Variants in MPV17L observed in about 807,000 individuals in gnomAD.
The protein encoded by MPV17L is MPV17 mitochondrial inner membrane protein like.
MPV17L carries 24 observed loss-of-function variants against 25.8 expected under a neutral mutation model. That is an observed-to-expected ratio of 0.93 (90% CI 0.67 to 1.31). MPV17L has a LOEUF of 1.31. Ranked by LOEUF, MPV17L falls within the 50% of genes most tolerant of loss-of-function variation. The pLI is 0.00. For synonymous variants in MPV17L, 102 were observed against 115.3 expected (o/e 0.88, Z 0.74); for missense variants, 250 against 265.6 (o/e 0.94, Z 0.41).
intron 2 of MPV17L, among the ~76,000 whole-genome samples, chr16:15,401,968 G>A (rs1487111822): frequency 6.6e-6 from 1 of 152,148 alleles, no homozygotes; most frequent in Non-Finnish European, 1.5e-5. Flanking sequence ...AATTTATTCT[G>A]TAAATTTGGG....
At chr16:15,399,281 T>A in intron 1 of MPV17L, 1 of 381,998 alleles carries the variant, frequency 2.6e-6, no homozygotes, top group Non-Finnish European at 5.1e-6. Flanking sequence ...TGTAATTAAC[T>A]AATAAAGCTC....
intron 1 of MPV17L, 49 bp downstream of exon 1, chr16:15,396,256 C>A: frequency 1.3e-6 from 2 of 1,528,868 alleles, no homozygotes; most frequent in Non-Finnish European, 1.8e-6. Flanking sequence ...TATTGGGGGA[C>A]TGGAGGCTGG....
In MPV17L at chr16:15,410,988, T is replaced by C. The variant is rs1423562517; in HGVS notation, c.*2876T>C. 1 of 152,218 alleles carries C rather than the reference T, an allele frequency of 6.6e-6. No homozygotes were observed. The highest frequency in any genetic ancestry group is 1.9e-4 in the East Asian group (1 of 5,188). 9.4% of individuals were successfully genotyped at this position (152,218 alleles called of 1,614,324 possible). On this transcript the variant is annotated 3_prime_UTR_variant, in exon 4 of 4. Coordinates refer to ENST00000396385, the MANE Select transcript of MPV17L (RefSeq NM_001128423.2). ...TGGCTTACGCCTGTAATCCCAGCAC[T>C]TTGGGAGGCCGAGGCGGGCAGATCA...
At chr16:15,399,373 G>A (rs954765394) in intron 1 of MPV17L, 2 of 454,272 alleles carry the variant, frequency 4.4e-6, no homozygotes, top group Admixed American at 4.7e-5. Context: ...AAATAGGAGA[G>A]CTTTGCCTTG....
intron 1 of MPV17L, among the ~76,000 whole-genome samples, chr16:15,397,115 G>A (rs774110826): frequency 2.5e-4 from 38 of 152,254 alleles, no homozygotes; most frequent in Non-Finnish European, 3.1e-4. Context: ...GACACTGGGC[G>A]TATTCTCCCA....
rs759484072 is a variant in MPV17L at position 15,412,296 on chromosome 16, G to C, written c.*4184G>C. ...ATACAAAAATTAGCCGGGTGTGGTGGCTTGCACCTGTCCTCCCAGCTACTT... is the reference window on the plus strand; with the variant it reads ...ATACAAAAATTAGCCGGGTGTGGTGCCTTGCACCTGTCCTCCCAGCTACTT... On this transcript the variant is annotated 3_prime_UTR_variant, in exon 4 of 4. Transcript: ENST00000396385. The C allele has an allele frequency of 1.3e-5, 2 of 152,026 alleles. No individual in the cohort carries two copies. The highest frequency in any genetic ancestry group is 2.9e-5 in the Non-Finnish European group (2 of 68,066). The allele number at this position is 152,026 out of a possible 1,614,324, so 9.4% of individuals were successfully genotyped here. A position where few individuals can be genotyped will look rare whatever the true frequency, so the allele number is the denominator to read the frequency against.
At position 15,396,166 on chromosome 16, in the gene MPV17L, A is replaced by T. The variant is rs768014612; in HGVS notation, c.269A>T (p.Gln90Leu). The T allele has an allele frequency of 6.5e-7, 1 of 1,550,376 alleles. No homozygotes were observed. The highest frequency in any genetic ancestry group is 8.7e-7 in the Non-Finnish European group (1 of 1,147,834). Residue 90 changes from glutamine (Q) to leucine (L), a missense_variant, in exon 1 of 4, where the codon CAG becomes CTG. Gln to Leu is a moderately radical substitution (Grantham distance 113, BLOSUM62 -2). Transcript: ENST00000396385. ...CTGCTGGCCAAGTTGCTGTGCGACC[A>T]GGTGGTCGGTGCGCCCATCGCGGTC... ...HALLAKLLCD[Q>L]VVGAPIAVSA... is the part of the protein sequence containing the mutation.
intron 2 of MPV17L, among the ~76,000 whole-genome samples, chr16:15,401,173 C>G (rs946968389): frequency 2.1e-5 from 3 of 140,954 alleles, no homozygotes; most frequent in African/African-American, 7.9e-5. Flanking sequence ...AATGCAGTGG[C>G]ATGGTCATGG....
chr16:15,402,300 G>A lies in MPV17L; in HGVS notation c.381+1443G>A, dbSNP rs959721887. 2.0e-5 allele frequency among the ~76,000 whole-genome samples: 3 copies of A among 152,172 alleles called. No individual in the cohort carries two copies. The East Asian group carries it at 5.8e-4, about 29-fold the overall frequency. ...GGATGGTTTTCATCTCTGCCCTAGA[G>A]CATGTTTGATTGCATTCATCACAAG... On this transcript the variant is annotated intron_variant, in intron 2 of 3. Transcript: ENST00000396385.
At chr16:15,401,344 T>C (rs1348481164) in intron 2 of MPV17L, among the ~76,000 whole-genome samples, 3 of 151,930 alleles carry the variant, frequency 2.0e-5, no homozygotes, top group Non-Finnish European at 4.4e-5. Flanking sequence ...CTTGAACTCC[T>C]GTGCTCCAGT....
At chr16:15,406,520 C>G (rs1037817518) in intron 2 of MPV17L, among the ~76,000 whole-genome samples, 2 of 151,976 alleles carry the variant, frequency 1.3e-5, no homozygotes, top group Non-Finnish European at 2.9e-5. Context: ...AAATGTCTAT[C>G]TAACATATTT....
intron 2 of MPV17L, among the ~76,000 whole-genome samples, chr16:15,401,069 T>C (rs1441263889): frequency 3.4e-5 from 1 of 29,524 alleles, no homozygotes; most frequent in Non-Finnish European, 1.0e-4. Context: ...TATATATATA[T>C]ATATATATAT....
Position 15,396,066 on chromosome 16 carries a change from A to G in MPV17L, c.169A>G (p.Thr57Ala). 6.5e-7 allele frequency: 1 copy of G among 1,543,934 alleles called. No individual in the cohort carries two copies. The highest frequency in any genetic ancestry group is 8.7e-7 in the Non-Finnish European group (1 of 1,148,266). ...GCGGCGCGTGGCCACGTTGGTGGTG[A>G]CCTTCCACGCCAACTTCAACTACGT... Reference protein sequence around the residue: ...QTRRVATLVVTFHANFNYVWL... With the variant: ...QTRRVATLVVAFHANFNYVWL... The change falls in exon 1 of 4, where the codon ACC becomes GCC. Residue 57 changes from threonine (T) to alanine (A), a missense_variant. Transcript: ENST00000396385.
intron 2 of MPV17L, among the ~76,000 whole-genome samples, chr16:15,403,937 G>T (rs1275527549): frequency 6.6e-6 from 1 of 151,948 alleles, no homozygotes; most frequent in Non-Finnish European, 1.5e-5. Flanking sequence ...GTAGGCCAAG[G>T]CAGGCGGATC....
intron 2 of MPV17L, among the ~76,000 whole-genome samples, chr16:15,406,242 A>G (rs1029395563): frequency 5.9e-5 from 9 of 151,878 alleles, no homozygotes; most frequent in Admixed American, 4.6e-4. Context: ...ATATATACGT[A>G]TATATGTATA....
At chr16:15,404,007 A>G (rs1042286876) in intron 2 of MPV17L, among the ~76,000 whole-genome samples, 3 of 151,880 alleles carry the variant, frequency 2.0e-5, no homozygotes, top group African/African-American at 7.3e-5. Flanking sequence ...CTCTACTAAA[A>G]ATACAAAAAT....
chr16:15,396,131 G>A lies in MPV17L; in HGVS notation c.234G>A (p.Ala78=), dbSNP rs780767369. 4 of 1,547,268 alleles carry A rather than the reference G, an allele frequency of 2.6e-6. No homozygotes were observed. Among genetic ancestry groups the A allele is most frequent in the South Asian group, 1.2e-5 (1 of 84,006 alleles). ...TGGAGCGCGCGCTCCCGGGCCGAGCGCCGCACGCCCTGCTGGCCAAGTTGC... is the reference window on the plus strand; with the variant it reads ...TGGAGCGCGCGCTCCCGGGCCGAGCACCGCACGCCCTGCTGGCCAAGTTGC... ...RLLERALPGR[A]PHALLAKLLC... The change falls in exon 1 of 4, where the codon GCG becomes GCA. Residue 78 remains alanine (A), a synonymous_variant. Coordinates refer to ENST00000396385, the MANE Select transcript of MPV17L (RefSeq NM_001128423.2).
At chr16:15,398,120 C>T (rs2050602990) in intron 1 of MPV17L, among the ~76,000 whole-genome samples, 1 of 152,058 alleles carries the variant, frequency 6.6e-6, no homozygotes, top group Non-Finnish European at 1.5e-5. Context: ...TCTCAGCTCA[C>T]TGAAACCTGC....
rs773663453 is a variant in MPV17L at position 15,396,018 on chromosome 16, C to G, written c.121C>G (p.Arg41Gly). The change falls in exon 1 of 4, where the codon CGC becomes GGC. Residue 41 changes from arginine (R) to glycine (G), a missense_variant. Transcript: ENST00000396385. ...GDALQQRLQGREANWRQTRRV... is the reference protein window; with the variant it reads ...GDALQQRLQGGEANWRQTRRV... The stretch of plus-strand genomic sequence containing the variant: ...CGCGCTGCAACAGCGGCTGCAGGGC[C>G]GCGAGGCCAACTGGCGCCAGACGCG... The G allele has an allele frequency of 2.0e-6, 3 of 1,527,860 alleles. No individual in the cohort carries two copies. The highest frequency in any genetic ancestry group is 1.7e-6 in the Non-Finnish European group (2 of 1,142,974). 94.6% of individuals were successfully genotyped at this position (1,527,860 alleles called of 1,614,324 possible). A position where few individuals can be genotyped will look rare whatever the true frequency, so the allele number is the denominator to read the frequency against.
Sources: allele counts gnomAD v4.1 joint callset (sites outside exome capture counted in the v4.1 genomes callset), GRCh38; gene constraint gnomAD v4.1.1; transcripts MANE v1.5; gene names NCBI Gene and HGNC (gene_info 2026-07-23, HGNC 2026-07-21).